The following TSR1 variants were observed in gnomAD, a reference collection of about 807,000 sequenced individuals.
TSR1 encodes pre-rRNA-processing protein TSR1 homolog.
Under a neutral mutation model 90.9 loss-of-function variants are expected in TSR1, and 81 were observed. The observed-to-expected ratio is 0.89, with a 90% CI of 0.74 to 1.07. The LOEUF (loss-of-function observed/expected upper bound fraction) is 1.07. Among genes scored for constraint, TSR1 ranks in the 50% least tolerant of loss-of-function variants. The pLI, the probability that TSR1 is intolerant of heterozygous loss-of-function variation, is 0.00. For missense variants in TSR1, 989 were observed against 987.3 expected (o/e 1.00, Z -0.02); for synonymous variants, 362 against 348.8 (o/e 1.04, Z -0.42).
Position 2,324,361 on chromosome 17 carries a change from G to A in TSR1, c.2250C>T (p.His750=). The A allele has an allele frequency of 1.9e-6, 3 of 1,564,060 alleles. No homozygotes were observed. Among genetic ancestry groups the A allele is most frequent in the Non-Finnish European group, 2.6e-6 (3 of 1,158,516 alleles). The stretch of plus-strand genomic sequence containing the variant: ...GCTTCCCATCAAAGCTGCATTTCAT[G>A]TGGCCATGGGTACCTAGAAAGACAT... ...HIKEPLGTHG[H]MKCSFDGKLK... The change falls in exon 15 of 15, where the codon CAC becomes CAT. Residue 750 remains histidine, a synonymous_variant. Coordinates refer to ENST00000301364, the MANE Select transcript of TSR1 (RefSeq NM_018128.5).
chr17:2,329,189 A>G, intron 11 of TSR1, 154 bp downstream of exon 11: 1 of 1,208,646 alleles, frequency 8.3e-7, no homozygotes, highest in Non-Finnish European at 1.2e-6. Flanking sequence ...AGACATTTTG[A>G]ATAAAAACAT....
chr17:2,330,529 G>C lies in TSR1; in HGVS notation c.1756C>G (p.Pro586Ala), dbSNP rs77894291. The change falls in exon 10 of 15, where the codon CCT becomes GCT. Residue 586 changes from proline to alanine, a missense_variant. By Grantham distance (27) the Pro-to-Ala change is conservative. Transcript: ENST00000301364. ...GTPLIAFSLL[P>A]HEQKMSVLNM... Reference sequence around the variant, plus strand: ...CAGCAATTTACCTTCTGTTCATGAGGTAGTAAAGAAAATGCAATCAAGGGT... The same window carrying C: ...CAGCAATTTACCTTCTGTTCATGAGCTAGTAAAGAAAATGCAATCAAGGGT... 3.2e-3 allele frequency: 5,213 copies of C among 1,613,736 alleles called. 184 individuals carry two copies. In the African/African-American group the frequency reaches 0.063, roughly 19 times the overall value.
At chr17:2,334,399 T>C (rs1169453801) in intron 5 of TSR1, 73 bp downstream of exon 5, 1 of 1,500,306 alleles carries the variant, frequency 6.7e-7, no homozygotes, top group African/African-American at 1.4e-5. Flanking sequence ...GTGTACAGAC[T>C]ATCTTCTCTG....
At position 2,332,195 on chromosome 17, in the gene TSR1, C is replaced by A; in HGVS notation, c.1470G>T (p.Thr490=). 6.2e-7 allele frequency: 1 copy of A among 1,613,576 alleles called. No homozygotes were observed. Among genetic ancestry groups the A allele is most frequent in the Non-Finnish European group, 8.5e-7 (1 of 1,179,936 alleles). The part of the protein sequence containing the change: ...LEEMFPDEVD[T]PRDVAARIRF... Reference sequence around the variant, plus strand: ...GAATTCGAGCAGCCACATCACGGGGCGTGTCCACTTCATCTGGAAACATCT... The same window carrying A: ...GAATTCGAGCAGCCACATCACGGGGAGTGTCCACTTCATCTGGAAACATCT... Residue 490 remains threonine, a synonymous_variant, in exon 8 of 15, where the codon ACG becomes ACT. Transcript: ENST00000301364.
In TSR1 at chr17:2,333,501, C is replaced by A. The variant is rs765516320; in HGVS notation, c.1141+56G>T. The A allele has an allele frequency of 9.9e-6, 16 of 1,610,496 alleles. 1 individual carries two copies. In the South Asian group the frequency reaches 1.8e-4, roughly 18 times the overall value. ...ATAGGGCCCTCACTTGGAACAGCTA[C>A]AGAAAATCCACAATTCCAGGTCAGA... On this transcript the variant is annotated intron_variant, in intron 6 of 14. Transcript: ENST00000301364.
Position 2,332,169 on chromosome 17 carries a change from C to T in TSR1, c.1496G>A (p.Arg499Gln), listed in dbSNP as rs750076259. ...TTTGTTGATAGACTTGTTGACTAAC[C>T]GAATTCGAGCAGCCACATCACGGGG... ...DTPRDVAARIRFQKYRGLKSF... is the reference protein window; with the variant it reads ...DTPRDVAARIQFQKYRGLKSF... The change falls in exon 8 of 15, where the codon CGA becomes CAA. Residue 499 changes from arginine (R) to glutamine (Q), a missense_variant and splice_region_variant. By Grantham distance (43) the Arg-to-Gln change is conservative. Coordinates refer to ENST00000301364, the MANE Select transcript of TSR1 (RefSeq NM_018128.5). The T allele has an allele frequency of 4.3e-6, 7 of 1,610,906 alleles. No homozygotes were observed. The highest frequency in any genetic ancestry group is 3.4e-5 in the Admixed American group (2 of 58,872).
Position 2,327,118 on chromosome 17 carries a change from A to T in TSR1, c.1904-1698T>A, listed in dbSNP as rs193044888. Among the ~76,000 whole-genome samples, 407 of 145,068 alleles carry T rather than the reference A, an allele frequency of 2.8e-3. 15 individuals carry two copies. In the East Asian group the frequency reaches 0.051, roughly 18 times the overall value. ...GAAACTCCATCTCCCAAAAAAAAAA[A>T]TTTTTTTTTCGTAGAGGCCGGGCAT... On this transcript the variant is annotated intron_variant, in intron 11 of 14. Transcript: ENST00000301364.
intron 11 of TSR1, among the ~76,000 whole-genome samples, chr17:2,328,720 T>A (rs1212096078): frequency 6.7e-6 from 1 of 150,160 alleles, no homozygotes; most frequent in Non-Finnish European, 1.5e-5. Context: ...ATAGAGACCA[T>A]CCTGGCTAAC....
intron 11 of TSR1, among the ~76,000 whole-genome samples, chr17:2,327,571 T>C (rs2075582671): frequency 6.6e-6 from 1 of 152,046 alleles, no homozygotes; most frequent in Admixed American, 6.6e-5. Context: ...TAAAGTTTTA[T>C]GCATACAGAT....
Position 2,330,882 on chromosome 17 carries a change from G to A in TSR1, c.1659+65C>T, listed in dbSNP as rs1235159699. 9.9e-6 allele frequency: 15 copies of A among 1,511,940 alleles called. No homozygotes were observed. The East Asian group carries it at 2.9e-4, about 30-fold the overall frequency. The allele number at this position is 1,511,940 out of a possible 1,614,324, so 93.7% of individuals were successfully genotyped here. On this transcript the variant is annotated intron_variant, in intron 9 of 14. Transcript: ENST00000301364. ...CAGCATATTTTCATGCCAAGAGAAGGAATAAAGTAGGGAGCATGTTGACAA... is the reference window on the plus strand; with the variant it reads ...CAGCATATTTTCATGCCAAGAGAAGAAATAAAGTAGGGAGCATGTTGACAA...
At position 2,323,634 on chromosome 17, in the gene TSR1, T is replaced by G. The variant is rs769597237; in HGVS notation, c.*562A>C. On this transcript the variant is annotated 3_prime_UTR_variant, in exon 15 of 15. Transcript: ENST00000301364. ...ACTAGACTCCCCTTTCACTAATTCC[T>G]ACTCCCTTCCATATCAACAGTGTGC... 1.4e-5 allele frequency: 23 copies of G among 1,611,824 alleles called. 1 individual carries two copies. In the South Asian group the frequency reaches 2.4e-4, roughly 17 times the overall value.
chr17:2,335,245 T>G lies in TSR1; in HGVS notation c.556+15A>C. 1 of 1,612,632 alleles carries G rather than the reference T, an allele frequency of 6.2e-7. No individual in the cohort carries two copies. The highest frequency in any genetic ancestry group is 1.1e-5 in the South Asian group (1 of 90,822). Reference sequence around the variant, plus strand: ...TGACAAATTAAAGGTGCACAATAAATGCTAACTCACTTACTATAGGTCGGA... The same window carrying G: ...TGACAAATTAAAGGTGCACAATAAAGGCTAACTCACTTACTATAGGTCGGA... On this transcript the variant is annotated intron_variant, in intron 4 of 14. Coordinates refer to ENST00000301364, the MANE Select transcript of TSR1 (RefSeq NM_018128.5).
intron 11 of TSR1, 122 bp from the exon 12 acceptor site, chr17:2,325,542 C>T: frequency 1.4e-6 from 1 of 709,214 alleles, no homozygotes; most frequent in East Asian, 2.8e-5. Context: ...TTCTCTAAAC[C>T]ACCAGTTCTC....
chr17:2,331,910 G>A (rs1015026050), intron 8 of TSR1, among the ~76,000 whole-genome samples: 4 of 151,956 alleles, frequency 2.6e-5, no homozygotes, highest in African/African-American at 9.7e-5. Flanking sequence ...GGCTCCTTTG[G>A]GAAGAAGTAT....
chr17:2,326,135 TACCTTCAAGGTAGCCCTC>T (rs1435031576), intron 11 of TSR1, among the ~76,000 whole-genome samples: 2 of 152,176 alleles, frequency 1.3e-5, no homozygotes, highest in Non-Finnish European at 2.9e-5. Context: ...TTTGATGTTC[TACCTTCAAGGTAGCCCTC>T]ACCTCCTTTT....
chr17:2,325,884 T>C (rs1027059814), intron 11 of TSR1, among the ~76,000 whole-genome samples: 23 of 152,202 alleles, frequency 1.5e-4, no homozygotes, highest in African/African-American at 5.5e-4. Flanking sequence ...GTGCTGGGAT[T>C]ACAGGCGTGA....
rs546668539 is a variant in TSR1, at chr17:2,332,376, C to G, written c.1306-17G>C. ...ACTCTCATCCTGTAGAATAGGATTACAGTTTTTTCAGAAGAAATCCACACC... is the reference window on the plus strand; with the variant it reads ...ACTCTCATCCTGTAGAATAGGATTAGAGTTTTTTCAGAAGAAATCCACACC... On this transcript the variant is annotated splice_polypyrimidine_tract_variant and intron_variant, in intron 7 of 14. Coordinates refer to ENST00000301364, the MANE Select transcript of TSR1 (RefSeq NM_018128.5). 7.7e-6 allele frequency: 12 copies of G among 1,566,374 alleles called. No homozygotes were observed. Among genetic ancestry groups the G allele is most frequent in the Non-Finnish European group, 1.0e-5 (12 of 1,162,374 alleles).
At chr17:2,329,607 G>T in intron 10 of TSR1, 132 bp from the exon 11 acceptor site, 2 of 1,122,406 alleles carry the variant, frequency 1.8e-6, no homozygotes, top group Non-Finnish European at 2.5e-6. Context: ...ATGGTGGAGT[G>T]TAGATGCTGA....
intron 11 of TSR1, among the ~76,000 whole-genome samples, chr17:2,328,482 G>A (rs982630803): frequency 3.3e-5 from 5 of 151,758 alleles, no homozygotes; most frequent in Non-Finnish European, 4.4e-5. Context: ...TACTCTACTC[G>A]GGAGGCTGAG....
Sources: gnomAD v4.1 joint callset for allele counts (sites outside exome capture counted in the v4.1 genomes callset) on GRCh38, gnomAD v4.1.1 for gene constraint, MANE v1.5 for transcripts, NCBI Gene and HGNC (gene_info 2026-07-23, HGNC 2026-07-21) for gene names.